The following SYNPO2 variants were observed in gnomAD, a reference collection of about 807,000 sequenced individuals.
SYNPO2 encodes synaptopodin-2.
In SYNPO2, 56 loss-of-function variants were observed where a neutral mutation model predicts 85.0. The observed-to-expected ratio is 0.66, with a 90% CI of 0.53 to 0.82. The LOEUF is 0.82. SYNPO2 is among the 40% of genes least tolerant of loss of function. The pLI is 0.00. For missense variants in SYNPO2, 1,575 were observed against 1,534.2 expected, an observed-to-expected ratio of 1.03 and a Z score of -0.44; for synonymous variants, 602 against 591.1, an observed-to-expected ratio of 1.02 and a Z score of -0.27.
chr4:118,943,851 T>C (rs968986839), intron 1 of SYNPO2, among the ~76,000 whole-genome samples: 12 of 152,180 alleles, frequency 7.9e-5, no homozygotes, highest in African/African-American at 2.9e-4. Flanking sequence ...GCTAAGTGTG[T>C]ACCTCTCAAG....
At chr4:118,911,824 C>T (rs74575090) in intron 1 of SYNPO2, among the ~76,000 whole-genome samples, 16 of 152,250 alleles carry the variant, frequency 1.1e-4, no homozygotes, top group African/African-American at 3.1e-4. Flanking sequence ...CAACTCCCCC[C>T]CTCCAATCCC....
At chr4:118,956,905 T>C (rs12509694) in intron 1 of SYNPO2, among the ~76,000 whole-genome samples, 126,571 of 151,834 alleles carry the variant, frequency 0.83, 53,354 homozygotes, top group South Asian at 0.93. Context: ...ATTAGCCTGG[T>C]GTGGTGGTGG....
At chr4:118,909,180 T>G (rs1411834219) in intron 1 of SYNPO2, among the ~76,000 whole-genome samples, 1 of 152,152 alleles carries the variant, frequency 6.6e-6, no homozygotes, top group East Asian at 1.9e-4. Context: ...TGATTGCAAA[T>G]TCACACTGAG....
At chr4:119,048,348 T>TAGA (rs1738934653) in intron 4 of SYNPO2, among the ~76,000 whole-genome samples, 1 of 152,220 alleles carries the variant, frequency 6.6e-6, no homozygotes, top group Non-Finnish European at 1.5e-5. Flanking sequence ...CAGCCTGATG[T>TAGA]AGAAATTATC....
At chr4:119,004,723 A>C (rs975905924) in intron 1 of SYNPO2, among the ~76,000 whole-genome samples, 41 of 149,696 alleles carry the variant, frequency 2.7e-4, no homozygotes, top group African/African-American at 9.8e-4. Flanking sequence ...ATGATTTATA[A>C]TCCTTTGGGT....
chr4:119,030,671 C>T lies in SYNPO2; in HGVS notation c.1896C>T (p.Phe632=), dbSNP rs149186647. The change falls in exon 4 of 5, where the codon TTC becomes TTT. Residue 632 remains phenylalanine, a synonymous_variant. Coordinates refer to ENST00000307142, the MANE Select transcript of SYNPO2 (RefSeq NM_133477.3). ...CAGTCACTCCTCCCCCTGACGCCTT[C>T]TCCAGAGGGGTTTCAAGTCCGATTG... ...YSAVTPPPDA[F]SRGVSSPIAG... is the part of the protein sequence containing the mutation. 1.1e-4 allele frequency: 185 copies of T among 1,614,198 alleles called. No individual in the cohort carries two copies. In the African/African-American group the frequency reaches 2.0e-3, roughly 17 times the overall value.
intron 1 of SYNPO2, among the ~76,000 whole-genome samples, chr4:118,941,193 T>G (rs1734303599): frequency 6.6e-6 from 1 of 152,094 alleles, no homozygotes; most frequent in South Asian, 2.1e-4. Flanking sequence ...TCTAGTCAGG[T>G]TTTTGAGCCA....
At chr4:118,970,804 A>G (rs1735511559) in intron 1 of SYNPO2, among the ~76,000 whole-genome samples, 1 of 152,354 alleles carries the variant, frequency 6.6e-6, no homozygotes, top group Non-Finnish European at 1.5e-5. Flanking sequence ...GCAGAGAAGA[A>G]GTCCTTAGAA....
At chr4:119,038,451 T>G (rs985220893) in intron 4 of SYNPO2, 1 of 985,312 alleles carries the variant, frequency 1.0e-6, no homozygotes, top group Admixed American at 6.2e-5. Flanking sequence ...TGAATAGTGT[T>G]GTTCGTTGGC....
At chr4:118,865,510 T>A (rs1271259544) in intron 1 of SYNPO2, among the ~76,000 whole-genome samples, 5 of 152,174 alleles carry the variant, frequency 3.3e-5, no homozygotes, top group African/African-American at 1.2e-4. Context: ...GATGACAGAA[T>A]CAGGTTGGTA....
intron 1 of SYNPO2, among the ~76,000 whole-genome samples, chr4:118,939,963 G>A (rs1249475468): frequency 6.8e-6 from 1 of 147,684 alleles, no homozygotes; most frequent in Non-Finnish European, 1.5e-5. Flanking sequence ...TAGCCTTTTA[G>A]CCCTTTCTCT....
intron 1 of SYNPO2, among the ~76,000 whole-genome samples, chr4:118,977,315 A>G (rs576660079): frequency 3.0e-4 from 46 of 152,316 alleles, no homozygotes; most frequent in East Asian, 1.4e-3. Flanking sequence ...CCATTGCCCG[A>G]GGCCGCAGGG....
chr4:118,966,677 A>T lies in SYNPO2; in HGVS notation c.106-56753A>T, dbSNP rs182187695. Among the ~76,000 whole-genome samples, 335 of 152,268 alleles carry T rather than the reference A, an allele frequency of 2.2e-3. 7 individuals carry two copies. The highest frequency in any genetic ancestry group is 8.7e-3 in the East Asian group (45 of 5,180). On this transcript the variant is annotated intron_variant, in intron 1 of 4. Transcript: ENST00000307142. ...ATATATACACACACATACTTCTGGG[A>T]TGATATAACCCAAAGCTACTGTTTT...
intron 1 of SYNPO2, among the ~76,000 whole-genome samples, chr4:118,907,930 C>T (rs1476254132): frequency 1.3e-5 from 2 of 152,066 alleles, no homozygotes; most frequent in Non-Finnish European, 2.9e-5. Context: ...ACATCATGGA[C>T]GTCTTTCCAT....
At chr4:118,991,122 T>C (rs548252620) in intron 1 of SYNPO2, among the ~76,000 whole-genome samples, 8 of 152,252 alleles carry the variant, frequency 5.3e-5, no homozygotes, top group African/African-American at 1.9e-4. Context: ...TAAATGACTC[T>C]TTTTAGTGCG....
chr4:118,931,120 G>A (rs1373778965), intron 1 of SYNPO2, among the ~76,000 whole-genome samples: 1 of 151,852 alleles, frequency 6.6e-6, no homozygotes, highest in Non-Finnish European at 1.5e-5. Context: ...TTAGATACAT[G>A]TTCAATAAAG....
chr4:118,940,856 T>C (rs912261048), intron 1 of SYNPO2, among the ~76,000 whole-genome samples: 2 of 152,020 alleles, frequency 1.3e-5, no homozygotes, highest in Non-Finnish European at 2.9e-5. Flanking sequence ...CCCATCTCGC[T>C]CTGCTTTGAG....
chr4:118,998,762 A>G (rs1056369036), intron 1 of SYNPO2, among the ~76,000 whole-genome samples: 1 of 152,040 alleles, frequency 6.6e-6, no homozygotes, highest in Non-Finnish European at 1.5e-5. Context: ...ATCTTTCACA[A>G]CTCTGCAACT....
chr4:118,996,051 A>G (rs1267781156), intron 1 of SYNPO2, among the ~76,000 whole-genome samples: 1 of 152,198 alleles, frequency 6.6e-6, no homozygotes, highest in East Asian at 1.9e-4. Flanking sequence ...TACAATGGAA[A>G]GCCTGAACTC....
Sources: allele counts gnomAD v4.1 joint callset (sites outside exome capture counted in the v4.1 genomes callset), GRCh38; gene constraint gnomAD v4.1.1; transcripts MANE v1.5; gene names NCBI Gene and HGNC (gene_info 2026-07-23, HGNC 2026-07-21).